Variants in RBFOX1 observed in about 807,000 individuals in gnomAD.
RBFOX1 encodes the protein RNA binding fox-1 homolog 1.
In RBFOX1, 8 loss-of-function variants were observed where a neutral mutation model predicts 57.7. The observed-to-expected ratio is 0.14, with a 90% CI of 0.08 to 0.25. The LOEUF (loss-of-function observed/expected upper bound fraction) is 0.25. RBFOX1 is among the 10% of genes least tolerant of loss of function. RBFOX1 has a pLI of 1.00. For synonymous variants in RBFOX1, 326 were observed against 222.4 expected, an observed-to-expected ratio of 1.47 and a Z score of -4.15; for missense variants, 611 against 548.5, an observed-to-expected ratio of 1.11 and a Z score of -1.14.
At chr16:6,728,836 C>T (rs769353700) in intron 3 of RBFOX1, among the ~76,000 whole-genome samples, 45 of 152,098 alleles carry the variant, frequency 3.0e-4, no homozygotes, top group Non-Finnish European at 5.3e-4. Flanking sequence ...TGATCTAATT[C>T]ATGTAGCATT....
intron 1 of RBFOX1, among the ~76,000 whole-genome samples, chr16:6,105,257 A>C (rs1426382265): frequency 6.6e-6 from 1 of 152,200 alleles, no homozygotes; most frequent in African/African-American, 2.4e-5. Context: ...GGCAGGCAGG[A>C]ATGTTTAAGC....
At chr16:7,402,487 T>A (rs929960552) in intron 4 of RBFOX1, among the ~76,000 whole-genome samples, 1 of 152,198 alleles carries the variant, frequency 6.6e-6, no homozygotes, top group Admixed American at 6.5e-5. Flanking sequence ...TGCCGAGAGA[T>A]AGGAGAAAAT....
At chr16:7,167,492 C>G (rs907698613) in intron 4 of RBFOX1, among the ~76,000 whole-genome samples, 1 of 152,116 alleles carries the variant, frequency 6.6e-6, no homozygotes, top group African/African-American at 2.4e-5. Context: ...ATGCCAGGAC[C>G]ACCAGAAACT....
At chr16:5,998,216 G>A (rs17646148) in intron 4 of RBFOX1, among the ~76,000 whole-genome samples, 4 of 152,162 alleles carry the variant, frequency 2.6e-5, no homozygotes, top group African/African-American at 9.7e-5. Context: ...ACATACACTA[G>A]ATTCCTCTGA....
At chr16:5,673,914 T>A (rs2050089594) in intron 3 of RBFOX1, among the ~76,000 whole-genome samples, 1 of 152,228 alleles carries the variant, frequency 6.6e-6, no homozygotes, top group Non-Finnish European at 1.5e-5. Context: ...GCATCAAGGC[T>A]GGTTACAAAA....
chr16:7,435,462 C>T (rs1370115055), intron 4 of RBFOX1, among the ~76,000 whole-genome samples: 1 of 152,176 alleles, frequency 6.6e-6, no homozygotes, highest in African/African-American at 2.4e-5. Flanking sequence ...CATTTTTCCT[C>T]TCTTTGCATA....
Position 7,638,857 on chromosome 16 carries a change from C to T in RBFOX1, c.757+8174C>T, listed in dbSNP as rs1016455562. Among the ~76,000 whole-genome samples, 10 of 152,044 alleles carry T rather than the reference C, an allele frequency of 6.6e-5. No homozygotes were observed. In the East Asian group the frequency reaches 9.7e-4, roughly 15 times the overall value. ...TAGTTTACCCATCTCTTTGTCAGGCCGTAATTCTTACTTAAAAGGACAGAA... is the reference window on the plus strand; with the variant it reads ...TAGTTTACCCATCTCTTTGTCAGGCTGTAATTCTTACTTAAAAGGACAGAA... On this transcript the variant is annotated intron_variant, in intron 11 of 15. Coordinates refer to ENST00000550418, the MANE Select transcript of RBFOX1 (RefSeq NM_018723.4).
intron 4 of RBFOX1, among the ~76,000 whole-genome samples, chr16:5,977,487 G>T (rs546046391): frequency 8.8e-4 from 134 of 152,304 alleles, no homozygotes; most frequent in African/African-American, 1.9e-3. Flanking sequence ...ACACGTACTT[G>T]GGGCCTTGCC....
chr16:7,126,680 A>C (rs1265979457), intron 4 of RBFOX1: 1 of 151,944 alleles, frequency 6.6e-6, no homozygotes, highest in Non-Finnish European at 1.5e-5. Flanking sequence ...GTTCTTTTAA[A>C]TATATATGTA....
intron 11 of RBFOX1, among the ~76,000 whole-genome samples, chr16:7,631,744 G>A (rs2060995899): frequency 6.6e-6 from 1 of 152,074 alleles, no homozygotes; most frequent in Admixed American, 6.6e-5. Flanking sequence ...TCACCATCGT[G>A]CCAAAACCAA....
intron 12 of RBFOX1, among the ~76,000 whole-genome samples, chr16:7,660,057 T>C (rs17760165): frequency 0.52 from 78,412 of 152,000 alleles, 21,524 homozygotes; most frequent in Non-Finnish European, 0.62. Flanking sequence ...GGTAGAACAA[T>C]TGTAAACAGC....
At chr16:6,694,188 C>G (rs145429565) in intron 3 of RBFOX1, among the ~76,000 whole-genome samples, 137 of 152,272 alleles carry the variant, frequency 9.0e-4, no homozygotes, top group Middle Eastern at 3.4e-3. Context: ...TAAATAATCC[C>G]TTTAGGGCAA....
At chr16:7,437,341 A>G (rs984572450) in intron 4 of RBFOX1, among the ~76,000 whole-genome samples, 3 of 151,102 alleles carry the variant, frequency 2.0e-5, no homozygotes, top group African/African-American at 7.3e-5. Context: ...GTACTTGTCC[A>G]TCAAACATGG....
chr16:6,182,731 C>A (rs145873732), intron 1 of RBFOX1, among the ~76,000 whole-genome samples: 2 of 152,100 alleles, frequency 1.3e-5, no homozygotes, highest in Non-Finnish European at 2.9e-5. Flanking sequence ...CATTTAGGAA[C>A]GCTGTAGTTA....
intron 3 of RBFOX1, among the ~76,000 whole-genome samples, chr16:5,798,155 A>G (rs1443864032): frequency 1.3e-5 from 2 of 152,238 alleles, no homozygotes; most frequent in African/African-American, 4.8e-5. Context: ...TAACAGGGAT[A>G]AAAATGACTA....
At chr16:5,564,304 C>A (rs1196484046) in intron 2 of RBFOX1, among the ~76,000 whole-genome samples, 3 of 152,106 alleles carry the variant, frequency 2.0e-5, no homozygotes, top group Non-Finnish European at 4.4e-5. Context: ...AGGCATGAAC[C>A]ACCACACCCA....
At chr16:5,535,299 C>A (rs4786039) in intron 2 of RBFOX1, among the ~76,000 whole-genome samples, 44,872 of 152,136 alleles carry the variant, frequency 0.29, 7,291 homozygotes, top group Non-Finnish European at 0.36. Context: ...TCTACAGTAT[C>A]CACATTTGGT....
intron 3 of RBFOX1, among the ~76,000 whole-genome samples, chr16:6,995,290 T>TTGTGTG (rs57039390): frequency 0.12 from 16,838 of 138,150 alleles, 1,113 homozygotes; most frequent in East Asian, 0.18. Flanking sequence ...GAAAGTAGCC[T>TTGTGTG]TGTGTGTGTG....
intron 1 of RBFOX1, among the ~76,000 whole-genome samples, chr16:5,403,138 G>A (rs1022442565): frequency 1.6e-4 from 24 of 152,092 alleles, no homozygotes; most frequent in African/African-American, 5.8e-4. Context: ...ATCACCTGAG[G>A]TTGGGAGTTC....
Sources: allele counts gnomAD v4.1 joint callset (sites outside exome capture counted in the v4.1 genomes callset), GRCh38; gene constraint gnomAD v4.1.1; transcripts MANE v1.5; gene names NCBI Gene and HGNC (gene_info 2026-07-23, HGNC 2026-07-21).